LIMCH1: variants seen among roughly 807,000 people sequenced by gnomAD.
LIMCH1 encodes LIM and calponin homology domains 1.
LIMCH1 carries 113 observed loss-of-function variants against 176.5 expected under a neutral mutation model. The observed-to-expected ratio is 0.64, with a 90% CI of 0.55 to 0.75. LIMCH1 has a LOEUF of 0.75. Ranked by LOEUF, LIMCH1 falls within the 30% of genes least tolerant of loss-of-function variation. The probability of loss-of-function intolerance (pLI) is 0.00; values close to 1 mark genes in which losing one functional copy is unlikely to be tolerated. For synonymous variants in LIMCH1, 619 were observed against 645.9 expected (o/e 0.96, Z 0.63); for missense variants, 1,674 against 1,814.9 (o/e 0.92, Z 1.41).
At chr4:41,524,036 C>T (rs976831242) in intron 2 of LIMCH1, among the ~76,000 whole-genome samples, 1 of 152,164 alleles carries the variant, frequency 6.6e-6, no homozygotes, top group Admixed American at 6.5e-5. Context: ...TGGAGAGATC[C>T]ATGTCTTAGC....
At chr4:41,549,801 A>G (rs563691658) in intron 1 of LIMCH1, among the ~76,000 whole-genome samples, 93 of 152,250 alleles carry the variant, frequency 6.1e-4, no homozygotes, top group African/African-American at 7.7e-4. Flanking sequence ...AGCATATAAG[A>G]TAGAAATTTT....
chr4:41,568,572 T>C (rs1310627654), intron 1 of LIMCH1, among the ~76,000 whole-genome samples: 1 of 152,236 alleles, frequency 6.6e-6, no homozygotes, highest in Non-Finnish European at 1.5e-5. Flanking sequence ...TGATTTCTTC[T>C]GGCTATCCTT....
At chr4:41,628,592 T>G (rs1429858194) in intron 8 of LIMCH1, among the ~76,000 whole-genome samples, 1 of 152,170 alleles carries the variant, frequency 6.6e-6, no homozygotes. Flanking sequence ...GAATGATATA[T>G]TTTGTGGGAA....
At chr4:41,579,772 A>G (rs943718870) in intron 1 of LIMCH1, among the ~76,000 whole-genome samples, 2 of 152,282 alleles carry the variant, frequency 1.3e-5, no homozygotes, top group African/African-American at 2.4e-5. Flanking sequence ...ATGATAGGGG[A>G]TGATTGCCTT....
intron 18 of LIMCH1, among the ~76,000 whole-genome samples, chr4:41,657,894 T>C (rs540879290): frequency 6.6e-6 from 1 of 152,172 alleles, no homozygotes; most frequent in East Asian, 1.9e-4. Flanking sequence ...AGAGTTCTAA[T>C]CTTTTGCAGA....
intron 1 of LIMCH1, among the ~76,000 whole-genome samples, chr4:41,582,212 C>T (rs768201713): frequency 6.6e-6 from 1 of 152,120 alleles, no homozygotes; most frequent in Admixed American, 6.5e-5. Flanking sequence ...TAATGGAAAA[C>T]GAAGCCACAG....
intron 7 of LIMCH1, among the ~76,000 whole-genome samples, chr4:41,624,225 C>T (rs1010441716): frequency 1.3e-5 from 2 of 152,074 alleles, no homozygotes; most frequent in Admixed American, 1.3e-4. Context: ...TGTTTCAGCA[C>T]TCAGTGCTTG....
At chr4:41,368,622 C>G (rs1047127044) in intron 1 of LIMCH1, among the ~76,000 whole-genome samples, 2 of 152,112 alleles carry the variant, frequency 1.3e-5, no homozygotes, top group African/African-American at 4.8e-5. Flanking sequence ...GCGTTGGATG[C>G]TACACATACT....
At position 41,360,973 on chromosome 4, in the gene LIMCH1, C is replaced by T; in HGVS notation, c.96+37C>T. On this transcript the variant is annotated intron_variant, in intron 1 of 26. Coordinates refer to the LIMCH1 transcript ENST00000313860. The surrounding 1 kb of genome is among the most constrained non-coding windows in gnomAD (Gnocchi z 4.5). Reference sequence around the variant, plus strand: ...TGGCTGGCGGGCGGCCTTGCACTGGCGCCCTGAGCCACGGACCCGCGCACG... The same window carrying T: ...TGGCTGGCGGGCGGCCTTGCACTGGTGCCCTGAGCCACGGACCCGCGCACG... 6.8e-7 allele frequency: 1 copy of T among 1,475,650 alleles called. No individual in the cohort carries two copies. Among genetic ancestry groups the T allele is most frequent in the Non-Finnish European group, 9.2e-7 (1 of 1,090,090 alleles). 91.4% of individuals were successfully genotyped at this position (1,475,650 alleles called of 1,614,324 possible). A position where few individuals can be genotyped will look rare whatever the true frequency, so the allele number is the denominator to read the frequency against.
At chr4:41,511,023 A>AGGGAAG (rs2074840965) in intron 2 of LIMCH1, among the ~76,000 whole-genome samples, 2 of 152,218 alleles carry the variant, frequency 1.3e-5, no homozygotes, top group Non-Finnish European at 2.9e-5. Context: ...CCCTTCCTTA[A>AGGGAAG]GCCACTGTAG....
At chr4:41,571,370 G>A (rs1000005109) in intron 1 of LIMCH1, among the ~76,000 whole-genome samples, 13 of 152,160 alleles carry the variant, frequency 8.5e-5, no homozygotes, top group Non-Finnish European at 1.6e-4. Context: ...GAAAGGAGAC[G>A]GAACACAGGA....
chr4:41,452,789 G>A (rs1205494795), intron 1 of LIMCH1, among the ~76,000 whole-genome samples: 1 of 152,090 alleles, frequency 6.6e-6, no homozygotes, highest in Admixed American at 6.5e-5. Context: ...CTTTTTTGGG[G>A]TCCTCTGTTG....
At chr4:41,668,338 C>A (rs1374080010) in intron 21 of LIMCH1, among the ~76,000 whole-genome samples, 1 of 152,192 alleles carries the variant, frequency 6.6e-6, no homozygotes, top group African/African-American at 2.4e-5. Flanking sequence ...GTCCTACTGT[C>A]CTGAAGGGAA....
chr4:41,549,021 A>C (rs1561711136), intron 1 of LIMCH1, among the ~76,000 whole-genome samples: 1 of 151,730 alleles, frequency 6.6e-6, no homozygotes, highest in Non-Finnish European at 1.5e-5. Flanking sequence ...GTGAAAACTC[A>C]TGGTTTCTAT....
rs1160467447 is a variant in LIMCH1, at chr4:41,632,882, T to C, written c.1720+15T>C. On this transcript the variant is annotated intron_variant, in intron 11 of 31. Coordinates refer to ENST00000503057, the MANE Select transcript of LIMCH1 (RefSeq NM_001330672.2). ...GACAGAGGAAGGTGAGGAGCAGTGTTTCCTGCCTTCCCGGGAGGTGAAGGA... is the reference window on the plus strand; with the variant it reads ...GACAGAGGAAGGTGAGGAGCAGTGTCTCCTGCCTTCCCGGGAGGTGAAGGA... The C allele has an allele frequency of 6.5e-7, 1 of 1,534,646 alleles. No individual in the cohort carries two copies. Among genetic ancestry groups the C allele is most frequent in the East Asian group, 2.4e-5 (1 of 40,918 alleles).
intron 1 of LIMCH1, among the ~76,000 whole-genome samples, chr4:41,427,138 A>G (rs890387823): frequency 1.3e-5 from 2 of 152,226 alleles, no homozygotes; most frequent in African/African-American, 4.8e-5. Flanking sequence ...TATTTTACAT[A>G]TAAACATTTC....
intron 14 of LIMCH1, 73 bp downstream of exon 14, chr4:41,639,040 A>C (rs2093711478): frequency 1.8e-6 from 2 of 1,119,108 alleles, no homozygotes; most frequent in East Asian, 5.2e-5. Flanking sequence ...CTTACCACTA[A>C]TTGAAATGCA....
intron 8 of LIMCH1, among the ~76,000 whole-genome samples, chr4:41,627,496 C>A (rs2093045056): frequency 6.6e-6 from 1 of 152,202 alleles, no homozygotes; most frequent in South Asian, 2.1e-4. Context: ...GAGACTTGTT[C>A]TTTCTTCTGT....
chr4:41,598,874 G>T (rs753865452), intron 1 of LIMCH1, 46 bp from the exon 2 acceptor site: 1 of 1,290,822 alleles, frequency 7.7e-7, no homozygotes, highest in South Asian at 1.3e-5. Context: ...GGTTCATAAA[G>T]ATAATCTAAG....
Sources: gnomAD v4.1 joint callset for allele counts (sites outside exome capture counted in the v4.1 genomes callset) on GRCh38, gnomAD v4.1.1 for gene constraint, Gnocchi (gnomAD v3.1) non-coding constraint, MANE v1.5 for transcripts, NCBI Gene and HGNC (gene_info 2026-07-23, HGNC 2026-07-21) for gene names.